MACROD2: variants seen among roughly 807,000 people sequenced by gnomAD.
MACROD2 encodes ADP-ribose glycohydrolase MACROD2.
A neutral mutation model predicts 70.4 loss-of-function variants in MACROD2; 36 were observed. The observed-to-expected ratio is 0.51, with a 90% confidence interval of 0.39 to 0.68. The LOEUF (loss-of-function observed/expected upper bound fraction) is 0.68. MACROD2 is among the 30% of genes least tolerant of loss of function. The pLI, the probability that MACROD2 is intolerant of heterozygous loss-of-function variation, is 0.00. For missense variants in MACROD2, 496 were observed against 538.4 expected (o/e 0.92, Z 0.78); for synonymous variants, 172 against 178.8 (o/e 0.96, Z 0.30).
intron 3 of MACROD2, among the ~76,000 whole-genome samples, chr20:14,348,128 G>A (rs1352426567): frequency 6.6e-6 from 1 of 152,006 alleles, no homozygotes; most frequent in Non-Finnish European, 1.5e-5. Context: ...ACATTAGCCG[G>A]TGTGGTGGTA....
At chr20:14,293,807 A>G (rs944461120) in intron 3 of MACROD2, among the ~76,000 whole-genome samples, 2 of 151,946 alleles carry the variant, frequency 1.3e-5, no homozygotes, top group Non-Finnish European at 2.9e-5. Context: ...GACCCTTCCC[A>G]AAGTGCATTA....
At chr20:15,447,051 C>CGTGTGTGTGTGTGTGTGT (rs57914856) in intron 7 of MACROD2, among the ~76,000 whole-genome samples, 15 of 146,554 alleles carry the variant, frequency 1.0e-4, no homozygotes, top group African/African-American at 2.8e-4. Context: ...TAAGAGTGTG[C>CGTGTGTGTGTGTGTGTGT]GTGTGTGTGT....
chr20:15,612,972 C>T (rs958324876), intron 8 of MACROD2, among the ~76,000 whole-genome samples: 2 of 152,122 alleles, frequency 1.3e-5, no homozygotes. Context: ...AGCCTGGGCA[C>T]GGGAGCCAAG....
At chr20:15,023,752 C>T (rs553906611) in intron 5 of MACROD2, among the ~76,000 whole-genome samples, 7 of 152,054 alleles carry the variant, frequency 4.6e-5, no homozygotes, top group Non-Finnish European at 1.0e-4. Context: ...AATTACTTCC[C>T]ATAGATTCGC....
chr20:15,509,590 G>C (rs898847052), intron 8 of MACROD2, among the ~76,000 whole-genome samples: 8 of 152,186 alleles, frequency 5.3e-5, no homozygotes, highest in African/African-American at 1.9e-4. Flanking sequence ...CAGAAGCTCA[G>C]CTCCTCTTCC....
At chr20:15,227,831 T>TGTTG (rs575566458) in intron 5 of MACROD2, among the ~76,000 whole-genome samples, 3 of 126,022 alleles carry the variant, frequency 2.4e-5, no homozygotes, top group Non-Finnish European at 5.0e-5. Context: ...CTGTTTTTTT[T>TGTTG]TTTTTTTTTT....
chr20:16,049,707 A>G (rs112542027), intron 17 of MACROD2, 123 bp from the exon 18 acceptor site: 1 of 886,638 alleles, frequency 1.1e-6, no homozygotes, highest in Non-Finnish European at 1.7e-6. Flanking sequence ...GTCAAATAAG[A>G]TATTTCTGGG....
intron 12 of MACROD2, among the ~76,000 whole-genome samples, chr20:15,945,971 G>A (rs986254070): frequency 3.3e-5 from 5 of 152,142 alleles, no homozygotes; most frequent in Non-Finnish European, 5.9e-5. Flanking sequence ...GGTGAGCAGG[G>A]ATTGGAACCA....
chr20:15,408,368 T>C (rs1047828119), intron 6 of MACROD2, among the ~76,000 whole-genome samples: 4 of 152,194 alleles, frequency 2.6e-5, no homozygotes, highest in African/African-American at 9.7e-5. Context: ...TGATAACAGC[T>C]CCCAGCCTTG....
At chr20:14,790,355 G>A (rs76000264) in intron 5 of MACROD2, among the ~76,000 whole-genome samples, 1 of 152,166 alleles carries the variant, frequency 6.6e-6, no homozygotes, top group East Asian at 1.9e-4. Context: ...AGTATAGGTA[G>A]TGTGTTTTTT....
chr20:15,601,795 G>A (rs983721958), intron 8 of MACROD2, among the ~76,000 whole-genome samples: 3 of 152,168 alleles, frequency 2.0e-5, no homozygotes, highest in South Asian at 2.1e-4. Context: ...TTGGGAGGCC[G>A]AGGCGGGTGG....
chr20:15,492,803 C>A (rs1478837639), intron 7 of MACROD2, among the ~76,000 whole-genome samples: 1 of 152,180 alleles, frequency 6.6e-6, no homozygotes, highest in Non-Finnish European at 1.5e-5. Flanking sequence ...GAATAGAGAG[C>A]TCAGAAGTGG....
chr20:15,344,885 G>A (rs533764813), intron 6 of MACROD2, among the ~76,000 whole-genome samples: 4 of 152,262 alleles, frequency 2.6e-5, no homozygotes, highest in Admixed American at 1.3e-4. Flanking sequence ...GTCTTAGTTG[G>A]TCAGGCTGCT....
chr20:14,034,172 C>T (rs999304073), intron 2 of MACROD2, among the ~76,000 whole-genome samples: 2 of 152,228 alleles, frequency 1.3e-5, no homozygotes, highest in Admixed American at 1.3e-4. Context: ...GACGGGGTTT[C>T]ACCATGTTAG....
intron 3 of MACROD2, chr20:14,325,607 G>T: frequency 1.2e-6 from 2 of 1,613,344 alleles, no homozygotes; most frequent in South Asian, 2.2e-5. Context: ...CTGTAGCTTC[G>T]GTTACTACTG....
intron 6 of MACROD2, among the ~76,000 whole-genome samples, chr20:15,284,743 A>C (rs1385568756): frequency 6.6e-6 from 1 of 152,206 alleles, no homozygotes; most frequent in Non-Finnish European, 1.5e-5. Context: ...AAGTAAGGAG[A>C]TAAGTGGAAA....
At chr20:14,389,776 A>C (rs932340324) in intron 3 of MACROD2, among the ~76,000 whole-genome samples, 9 of 152,226 alleles carry the variant, frequency 5.9e-5, no homozygotes, top group African/African-American at 1.7e-4. Flanking sequence ...GCCATATATG[A>C]CAAACCCACA....
In MACROD2 at chr20:14,755,744, T is replaced by C. The variant is rs1007694218; in HGVS notation, c.418+70785T>C. On this transcript the variant is annotated intron_variant, in intron 5 of 17. Coordinates refer to ENST00000684519, the MANE Select transcript of MACROD2 (RefSeq NM_001351661.2). ...GGTACTTTTCTATGTCTATTTTCCT[T>C]TGGAGGAAAACATAGTTCTAAGAAT... 2.6e-5 allele frequency among the ~76,000 whole-genome samples: 4 copies of C among 152,058 alleles called. No homozygotes were observed. The East Asian group carries it at 7.7e-4, about 29-fold the overall frequency.
Position 14,147,594 on chromosome 20 carries a change from C to T in MACROD2, c.271+61866C>T, listed in dbSNP as rs545624805. Among the ~76,000 whole-genome samples the T allele has an allele frequency of 1.6e-4, 24 of 152,088 alleles. No homozygotes were observed. In the South Asian group the frequency reaches 3.3e-3, roughly 21 times the overall value. ...GTAGTTTAACAATAGTGGGAAGACC[C>T]GACAGTTGAAAGTAGTATGTTATTT... On this transcript the variant is annotated intron_variant, in intron 3 of 17. Coordinates refer to ENST00000684519, the MANE Select transcript of MACROD2 (RefSeq NM_001351661.2).
Sources: allele counts gnomAD v4.1 joint callset (sites outside exome capture counted in the v4.1 genomes callset), GRCh38; gene constraint gnomAD v4.1.1; transcripts MANE v1.5; gene names NCBI Gene and HGNC (gene_info 2026-07-23, HGNC 2026-07-21).